SPACA7: variants seen among roughly 807,000 people sequenced by gnomAD.
SPACA7 encodes sperm acrosome-associated protein 7.
Under a neutral mutation model 26.3 loss-of-function variants are expected in SPACA7, and 19 were observed. The ratio of observed to expected loss-of-function variants is 0.72; its 90% CI spans 0.50 to 1.06. SPACA7 has a LOEUF of 1.06. Among genes scored for constraint, SPACA7 ranks in the 50% least tolerant of loss-of-function variants. SPACA7 has a pLI of 0.00. For synonymous variants in SPACA7, 84 were observed against 84.5 expected (o/e 0.99, Z 0.04); for missense variants, 211 against 229.9 (o/e 0.92, Z 0.53).
At chr13:112,419,836 G>A (rs1283879361) in intron 5 of SPACA7, among the ~76,000 whole-genome samples, 1 of 152,204 alleles carries the variant, frequency 6.6e-6, no homozygotes, top group East Asian at 1.9e-4. Flanking sequence ...ACCAGTGAAG[G>A]GAGTATATCC....
At chr13:112,400,710 CATT>C (rs1885585910) in intron 4 of SPACA7, among the ~76,000 whole-genome samples, 1 of 152,196 alleles carries the variant, frequency 6.6e-6, no homozygotes, top group Non-Finnish European at 1.5e-5. Context: ...GTTCTGCAGT[CATT>C]ATTTTTTGTA....
chr13:112,430,168 C>CTGTGTGTGTGTGTGTGTGTGTGTG (rs1471577074), intron 5 of SPACA7, among the ~76,000 whole-genome samples: 2 of 115,884 alleles, frequency 1.7e-5, no homozygotes, highest in African/African-American at 7.6e-5. Flanking sequence ...CCTTGCATCT[C>CTGTGTGTGTGTGTGTGTGTGTGTG]TCTCTCTGTG....
intron 5 of SPACA7, among the ~76,000 whole-genome samples, chr13:112,429,988 T>G (rs1256678085): frequency 6.6e-6 from 1 of 152,188 alleles, no homozygotes; most frequent in Non-Finnish European, 1.5e-5. Flanking sequence ...ATTTCCTGTG[T>G]ATTATGAGGG....
Position 112,432,921 on chromosome 13 carries a change from C to T in SPACA7, c.523+400C>T, listed in dbSNP as rs955965717. Among the ~76,000 whole-genome samples, 12 of 152,312 alleles carry T rather than the reference C, an allele frequency of 7.9e-5. No homozygotes were observed. The Middle Eastern group carries it at 0.02, about 259-fold the overall frequency. On this transcript the variant is annotated intron_variant, in intron 6 of 6. Transcript: ENST00000283550. Reference sequence around the variant, plus strand: ...ACATCCCCTTCAGGAGGCCCCCCACCCTCTCGTGGGGTGGGGACCCCCAGT... The same window carrying T: ...ACATCCCCTTCAGGAGGCCCCCCACTCTCTCGTGGGGTGGGGACCCCCAGT...
chr13:112,430,466 A>G (rs1876995381), intron 5 of SPACA7, among the ~76,000 whole-genome samples: 1 of 152,136 alleles, frequency 6.6e-6, no homozygotes, highest in Non-Finnish European at 1.5e-5. Flanking sequence ...AATTGGGAGG[A>G]TAAATCTAAT....
At chr13:112,422,596 T>C (rs1288695072) in intron 5 of SPACA7, among the ~76,000 whole-genome samples, 1 of 152,232 alleles carries the variant, frequency 6.6e-6, no homozygotes, top group Non-Finnish European at 1.5e-5. Context: ...AAGCATGTTA[T>C]CTGCACACAA....
At chr13:112,401,746 C>T (rs1408912860) in intron 5 of SPACA7, among the ~76,000 whole-genome samples, 1 of 152,186 alleles carries the variant, frequency 6.6e-6, no homozygotes, top group African/African-American at 2.4e-5. Context: ...CTCTTGGATC[C>T]ATTTGGAGTT....
At chr13:112,389,932 A>G (rs1352874258) in intron 1 of SPACA7, among the ~76,000 whole-genome samples, 1 of 152,236 alleles carries the variant, frequency 6.6e-6, no homozygotes, top group East Asian at 1.9e-4. Flanking sequence ...GATATTATTT[A>G]ATCTCACAGA....
intron 5 of SPACA7, among the ~76,000 whole-genome samples, chr13:112,414,151 C>A (rs895037126): frequency 6.6e-6 from 1 of 152,086 alleles, no homozygotes; most frequent in African/African-American, 2.4e-5. Flanking sequence ...GGCCCCACGT[C>A]CAACACTGGG....
chr13:112,382,515 C>G (rs2138862950), intron 1 of SPACA7: 1 of 1,550,048 alleles, frequency 6.5e-7, no homozygotes, highest in Admixed American at 2.0e-5. Flanking sequence ...AAGGTGAGAA[C>G]AGTGGAACCG....
At chr13:112,382,304 T>C (rs1305893295) in intron 1 of SPACA7, 1 of 825,566 alleles carries the variant, frequency 1.2e-6, no homozygotes, top group Non-Finnish European at 1.8e-6. Context: ...CAGACTGGAG[T>C]GCAGAGGCGC....
intron 2 of SPACA7, among the ~76,000 whole-genome samples, chr13:112,397,663 A>G (rs947331227): frequency 8.5e-5 from 13 of 152,200 alleles, no homozygotes; most frequent in African/African-American, 2.9e-4. Flanking sequence ...GTGTTGACAC[A>G]GAGATCAGGA....
chr13:112,382,738 A>G (rs1884161381), intron 1 of SPACA7, among the ~76,000 whole-genome samples: 3 of 152,164 alleles, frequency 2.0e-5, no homozygotes, highest in Admixed American at 1.3e-4. Context: ...CTGTAATCCC[A>G]GCACTTTTGG....
chr13:112,432,944 A>C (rs985207174), intron 6 of SPACA7, among the ~76,000 whole-genome samples: 1 of 152,138 alleles, frequency 6.6e-6, no homozygotes, highest in Non-Finnish European at 1.5e-5. Context: ...GGGGACCCCC[A>C]GTCCAGCCCT....
chr13:112,415,217 A>C (rs191273789), intron 5 of SPACA7, among the ~76,000 whole-genome samples: 2 of 151,890 alleles, frequency 1.3e-5, no homozygotes, highest in African/African-American at 4.8e-5. Context: ...TTGGAAGAGG[A>C]GTGATACCGG....
At chr13:112,407,648 C>A (rs1264998892) in intron 5 of SPACA7, among the ~76,000 whole-genome samples, 2 of 152,168 alleles carry the variant, frequency 1.3e-5, no homozygotes, top group African/African-American at 4.8e-5. Context: ...GACACGTACA[C>A]CCTCCCAAGA....
rs867817604 is a variant in SPACA7, at chr13:112,407,642, C to T, written c.445+6478C>T. Among the ~76,000 whole-genome samples, 14 of 152,240 alleles carry T rather than the reference C, an allele frequency of 9.2e-5. No individual in the cohort carries two copies. The East Asian group carries it at 2.1e-3, about 23-fold the overall frequency. ...GAAGAAATGGATAAATTCCTGGACA[C>T]GTACACCCTCCCAAGACTAAACCAG... On this transcript the variant is annotated intron_variant, in intron 5 of 6. Transcript: ENST00000283550.
intron 5 of SPACA7, among the ~76,000 whole-genome samples, chr13:112,413,980 T>G (rs555573733): frequency 2.1e-4 from 32 of 152,104 alleles, no homozygotes; most frequent in Non-Finnish European, 3.8e-4. Flanking sequence ...ACCAGTGTGT[T>G]GTGTGATCAG....
At chr13:112,392,701 G>A (rs1198697353) in intron 1 of SPACA7, among the ~76,000 whole-genome samples, 1 of 152,142 alleles carries the variant, frequency 6.6e-6, no homozygotes, top group Non-Finnish European at 1.5e-5. Flanking sequence ...CTTGCGACCG[G>A]GATGTCGTCT....
Sources: allele counts gnomAD v4.1 joint callset (sites outside exome capture counted in the v4.1 genomes callset), GRCh38; gene constraint gnomAD v4.1.1; transcripts MANE v1.5; gene names NCBI Gene and HGNC (gene_info 2026-07-23, HGNC 2026-07-21).